The following COL3A1 variants were observed in gnomAD, a reference collection of about 807,000 sequenced individuals.
COL3A1 encodes the protein collagen type III alpha 1 chain.
Under a neutral mutation model 200.9 loss-of-function variants are expected in COL3A1, and 46 were observed. The observed-to-expected ratio is 0.23, with a 90% CI of 0.18 to 0.29. COL3A1 has a LOEUF of 0.29. Among genes scored for constraint, COL3A1 ranks in the 10% least tolerant of loss-of-function variants. The probability of loss-of-function intolerance (pLI) is 1.00; values close to 1 mark genes in which losing one functional copy is unlikely to be tolerated. For missense variants in COL3A1, 1,367 were observed against 1,917.6 expected, an observed-to-expected ratio of 0.71 and a Z score of 5.36; for synonymous variants, 650 against 628.0, an observed-to-expected ratio of 1.03 and a Z score of -0.52.
chr2:188,998,868 A>G, intron 29 of COL3A1, 150 bp downstream of exon 29: 1 of 776,032 alleles, frequency 1.3e-6, no homozygotes, highest in Admixed American at 2.1e-5. Context: ...AACTCAAGAC[A>G]CTTTCAATAC....
At chr2:189,008,769 G>A (rs1479751253) in intron 47 of COL3A1, 155 bp from the exon 48 acceptor site, 13 of 743,308 alleles carry the variant, frequency 1.7e-5, no homozygotes, top group Middle Eastern at 3.8e-4. Flanking sequence ...CGGTGATCAC[G>A]TGACCCTAAA....
chr2:188,995,014 G>T (rs1480441484), intron 20 of COL3A1, 32 bp from the exon 21 acceptor site: 6 of 1,609,564 alleles, frequency 3.7e-6, no homozygotes, highest in Non-Finnish European at 5.1e-6. Context: ...GAAATCCTTT[G>T]GACTGAAATA....
chr2:189,009,190 C>T lies in COL3A1; in HGVS notation c.3792C>T (p.Asp1264=), dbSNP rs750043526. ...SRKNPARNCR[D]LKFCHPELKS... ...AAAACCCCGCTAGAAACTGCAGAGACCTGAAATTCTGCCATCCTGAACTCA... is the reference window on the plus strand; with the variant it reads ...AAAACCCCGCTAGAAACTGCAGAGATCTGAAATTCTGCCATCCTGAACTCA... The change falls in exon 48 of 51, where the codon GAC becomes GAT. Residue 1264 remains aspartate (D), a synonymous_variant. Coordinates refer to ENST00000304636, the MANE Select transcript of COL3A1 (RefSeq NM_000090.4). The T allele has an allele frequency of 6.2e-7, 1 of 1,614,168 alleles. No individual in the cohort carries two copies. Among genetic ancestry groups the T allele is most frequent in the Non-Finnish European group, 8.5e-7 (1 of 1,180,024 alleles).
chr2:188,991,560 A>T (rs930395712), intron 12 of COL3A1, 29 bp downstream of exon 12: 30 of 1,610,462 alleles, frequency 1.9e-5, no homozygotes, highest in Non-Finnish European at 2.3e-5. Flanking sequence ...TATAATTTTC[A>T]GTTTTATTAT....
At position 189,011,875 on chromosome 2, in the gene COL3A1, G is replaced by C; in HGVS notation, c.*101G>C. 1 of 1,319,590 alleles carries C rather than the reference G, an allele frequency of 7.6e-7. No homozygotes were observed. Among genetic ancestry groups the C allele is most frequent in the Non-Finnish European group, 1.1e-6 (1 of 926,310 alleles). The allele number at this position is 1,319,590 out of a possible 1,614,324, so 81.7% of individuals were successfully genotyped here. On this transcript the variant is annotated 3_prime_UTR_variant, in exon 51 of 51. Coordinates refer to ENST00000304636, the MANE Select transcript of COL3A1 (RefSeq NM_000090.4). ...AGTGCAAGTGACCGACAAAATTCCA[G>C]TTATTTATTTCCAAAATGTTTGGAA...
Position 188,998,737 on chromosome 2 carries a change from C to A in COL3A1, c.2022+19C>A. The A allele has an allele frequency of 6.2e-7, 1 of 1,610,924 alleles. No individual in the cohort carries two copies. Among genetic ancestry groups the A allele is most frequent in the Non-Finnish European group, 8.5e-7 (1 of 1,177,342 alleles). On this transcript the variant is annotated intron_variant, in intron 29 of 50. Coordinates refer to ENST00000304636, the MANE Select transcript of COL3A1 (RefSeq NM_000090.4). ...AGGCAAGGTAGTATTTCAATTTATT[C>A]TCTACCTTCTTCAGCAGGTTATAGA...
chr2:189,003,734 G>T lies in COL3A1; in HGVS notation c.2608G>T (p.Gly870Cys). 1 of 1,613,666 alleles carries T rather than the reference G, an allele frequency of 6.2e-7. No homozygotes were observed. Among genetic ancestry groups the T allele is most frequent in the Non-Finnish European group, 8.5e-7 (1 of 1,179,898 alleles). Reference sequence around the variant, plus strand: ...TCAAAAATATATTACCATTTCACAGGGTGCTGCTGGCTTCCCTGGTGCTCG... The same window carrying T: ...TCAAAAATATATTACCATTTCACAGTGTGCTGCTGGCTTCCCTGGTGCTCG... The part of the protein sequence containing the change: ...KGERGSPGGP[G>C]AAGFPGARGL... Residue 870 changes from glycine to cysteine, a missense_variant and splice_region_variant, in exon 38 of 51, where the codon GGT (glycine) becomes TGT (cysteine). Gly to Cys is a radical substitution (Grantham distance 159). Coordinates refer to ENST00000304636, the MANE Select transcript of COL3A1 (RefSeq NM_000090.4).
At chr2:188,991,444 C>T (rs747994673) in intron 11 of COL3A1, 43 bp from the exon 12 acceptor site, 29 of 1,309,460 alleles carry the variant, frequency 2.2e-5, no homozygotes, top group Non-Finnish European at 3.1e-5. Context: ...ATAATATTTT[C>T]TTCCTCTTTT....
At chr2:188,991,764 G>T in intron 13 of COL3A1, 42 bp downstream of exon 13, 2 of 1,605,662 alleles carry the variant, frequency 1.2e-6, no homozygotes, top group South Asian at 2.2e-5. Context: ...AACCCAAAGT[G>T]ACAGATTTTT....
Position 189,010,165 on chromosome 2 carries a change from T to C in COL3A1, c.3824-13T>C, listed in dbSNP as rs1000595244. The C allele has an allele frequency of 5.6e-6, 9 of 1,613,610 alleles. No individual in the cohort carries two copies. The highest frequency in any genetic ancestry group is 4.0e-5 in the African/African-American group (3 of 74,948). On this transcript the variant is annotated splice_polypyrimidine_tract_variant and intron_variant, in intron 48 of 50. Transcript: ENST00000304636. Reference sequence around the variant, plus strand: ...TTTATAACCAATTCCCATTCTTTTTTGTGACTATTCAGGAGAATACTGGGT... The same window carrying C: ...TTTATAACCAATTCCCATTCTTTTTCGTGACTATTCAGGAGAATACTGGGT...
intron 48 of COL3A1, 80 bp from the exon 49 acceptor site, chr2:189,010,098 T>C: frequency 7.5e-7 from 1 of 1,339,838 alleles, no homozygotes; most frequent in South Asian, 1.2e-5. Context: ...ACATTATGAA[T>C]GCCTTTACAG....
At chr2:188,998,175 T>G in intron 27 of COL3A1, 91 bp from the exon 28 acceptor site, 1 of 1,235,698 alleles carries the variant, frequency 8.1e-7, no homozygotes, top group Non-Finnish European at 1.2e-6. Context: ...AACTTTTTTT[T>G]AATATCTTGC....
rs2153502439 is a variant in COL3A1 at position 188,994,763 on chromosome 2, G to A, written c.1387G>A (p.Glu463Lys). Residue 463 changes from glutamate (E) to lysine (K), a missense_variant, in exon 20 of 51, where the codon GAA (glutamate) becomes AAA (lysine). Glu to Lys is a moderately conservative substitution (Grantham distance 56). This residue lies in a region of COL3A1 where 462 missense variants were observed against 681.4 expected (regional missense o/e 0.68). Coordinates refer to ENST00000304636, the MANE Select transcript of COL3A1 (RefSeq NM_000090.4). This position sits in a 1 kb window ranked among gnomAD's most constrained non-coding sequence, Gnocchi z 4.5. Reference sequence around the variant, plus strand: ...TCCAGGTGTTCCAGGAGCTAAAGGCGAAGATGGCAAGGATGGATCACCTGG... The same window carrying A: ...TCCAGGTGTTCCAGGAGCTAAAGGCAAAGATGGCAAGGATGGATCACCTGG... Reference protein sequence around the residue: ...GIPGVPGAKGEDGKDGSPGEP... With the variant: ...GIPGVPGAKGKDGKDGSPGEP... 3 of 1,613,426 alleles carry A rather than the reference G, an allele frequency of 1.9e-6. No individual in the cohort carries two copies. Among genetic ancestry groups the A allele is most frequent in the Non-Finnish European group, 2.5e-6 (3 of 1,179,950 alleles).
In COL3A1 at chr2:189,004,462, G is replaced by A. The variant is rs939954616; in HGVS notation, c.2931+98G>A. On this transcript the variant is annotated intron_variant, in intron 40 of 50. Transcript: ENST00000304636. ...GATGAAAAGTTTTTCTGTCACTGGA[G>A]TAAATTAGCCAGGAGATAATTTTTT... 3.7e-6 allele frequency: 4 copies of A among 1,095,518 alleles called. No homozygotes were observed. The African/African-American group carries it at 6.3e-5, about 17-fold the overall frequency. The allele number at this position is 1,095,518 out of a possible 1,614,324, so 67.9% of individuals were successfully genotyped here.
At chr2:189,010,943 A>G (rs1576474570) in intron 50 of COL3A1, 53 bp downstream of exon 50, 4 of 1,603,808 alleles carry the variant, frequency 2.5e-6, no homozygotes, top group Middle Eastern at 1.7e-4. Flanking sequence ...ATTTTAGTTT[A>G]ATCATGCAAA....
chr2:188,985,809 C>T, intron 4 of COL3A1, 31 bp downstream of exon 4: 2 of 1,418,980 alleles, frequency 1.4e-6, no homozygotes, highest in African/African-American at 1.4e-5. Flanking sequence ...AAAAAATTCC[C>T]TCATAAAACT....
chr2:188,980,039 A>G (rs1484261505), intron 1 of COL3A1, among the ~76,000 whole-genome samples: 2 of 151,692 alleles, frequency 1.3e-5, no homozygotes, highest in Non-Finnish European at 3.0e-5. Context: ...CTATAGCACT[A>G]GTTTTACTAA....
chr2:188,991,033 T>C lies in COL3A1; in HGVS notation c.828T>C (p.Gly276=), dbSNP rs1272860466. 2 of 1,613,190 alleles carry C rather than the reference T, an allele frequency of 1.2e-6. No homozygotes were observed. The highest frequency in any genetic ancestry group is 1.3e-5 in the African/African-American group (1 of 74,892). The change falls in exon 11 of 51, where the codon GGT becomes GGC. Residue 276 remains glycine (G), a synonymous_variant. Transcript: ENST00000304636. ...RGFDGRNGEK[G]ETGAPGLKGE... ...TCGATGGACGAAATGGAGAAAAGGGTGAAACAGGTGCTCCTGGATTAAAGG... is the reference window on the plus strand; with the variant it reads ...TCGATGGACGAAATGGAGAAAAGGGCGAAACAGGTGCTCCTGGATTAAAGG...
rs573775673 is a variant in COL3A1, at chr2:189,001,493, C to G, written c.2337+43C>G. On this transcript the variant is annotated intron_variant, in intron 33 of 50. Transcript: ENST00000304636. ...CTGGATATAAAAAGAAAATGTCTCT[C>G]TCTTTTGGATGCAAGACAGTGACAT... 7 of 1,613,844 alleles carry G rather than the reference C, an allele frequency of 4.3e-6. No individual in the cohort carries two copies. In the African/African-American group the frequency reaches 6.7e-5, roughly 15 times the overall value.
Sources: gnomAD v4.1 joint callset for allele counts (sites outside exome capture counted in the v4.1 genomes callset) on GRCh38, gnomAD v4.1.1 for gene constraint, gnomAD v4.1.1 regional missense constraint, Gnocchi (gnomAD v3.1) non-coding constraint, MANE v1.5 for transcripts, NCBI Gene and HGNC (gene_info 2026-07-23, HGNC 2026-07-21) for gene names.